LETM1: variants seen among roughly 807,000 people sequenced by gnomAD.
LETM1 encodes the protein mitochondrial proton/calcium exchanger protein.
A neutral mutation model predicts 74.5 loss-of-function variants in LETM1; 50 were observed. That is an observed-to-expected ratio of 0.67 (90% CI 0.53 to 0.85). The LOEUF is 0.85. Among genes scored for constraint, LETM1 ranks in the 40% least tolerant of loss-of-function variants. The probability of loss-of-function intolerance (pLI) is 0.00; values close to 1 mark genes in which losing one functional copy is unlikely to be tolerated. For missense variants in LETM1, 824 were observed against 967.8 expected (o/e 0.85, Z 1.97); for synonymous variants, 446 against 407.1 (o/e 1.10, Z -1.15).
rs374510801 is a variant in LETM1 at position 1,835,016 on chromosome 4, G to T, written c.739-34C>A. On this transcript the variant is annotated intron_variant, in intron 4 of 13. Transcript: ENST00000302787. ...GCAGAGAGGGCACTGCATTCCAACTGCTCAGACTGTGGTTCGGGCAAGGAA... is the reference window on the plus strand; with the variant it reads ...GCAGAGAGGGCACTGCATTCCAACTTCTCAGACTGTGGTTCGGGCAAGGAA... 3.1e-5 allele frequency: 49 copies of T among 1,600,080 alleles called. 1 individual carries two copies. The East Asian group carries it at 8.5e-4, about 28-fold the overall frequency.
intron 12 of LETM1, 97 bp from the exon 13 acceptor site, chr4:1,815,899 C>G: frequency 6.7e-7 from 1 of 1,486,348 alleles, no homozygotes; most frequent in South Asian, 1.2e-5. Flanking sequence ...AGCACTGACA[C>G]AGGCGGCTCC....
chr4:1,849,208 A>C lies in LETM1; in HGVS notation c.84T>G (p.Gly28=). The change falls in exon 2 of 14, where the codon GGT becomes GGG. Residue 28 remains glycine (G), a splice_region_variant and synonymous_variant. Coordinates refer to ENST00000302787, the MANE Select transcript of LETM1 (RefSeq NM_012318.3). ...TGAGATGAGCAGGATCCCCTGGACTACCTGTAACAGGAACAGGGGAAAATA... is the reference window on the plus strand; with the variant it reads ...TGAGATGAGCAGGATCCCCTGGACTCCCTGTAACAGGAACAGGGGAAAATA... ...PPPPRYTVPR[G]SPGDPAHLSC... The C allele has an allele frequency of 6.2e-7, 1 of 1,609,526 alleles. No individual in the cohort carries two copies. Among genetic ancestry groups the C allele is most frequent in the East Asian group, 2.2e-5 (1 of 44,880 alleles).
Position 1,837,000 on chromosome 4 carries a change from T to C in LETM1, c.595-428A>G, listed in dbSNP as rs546929704. On this transcript the variant is annotated intron_variant, in intron 3 of 13. Transcript: ENST00000302787. This position sits in a 1 kb window ranked among gnomAD's most constrained non-coding sequence, Gnocchi z 5.8. ...CTATAAGGAGGGCTTCTCTTGTGTT[T>C]CCTAAGACTATACTACAAAGCAATC... 1.3e-5 allele frequency among the ~76,000 whole-genome samples: 2 copies of C among 152,312 alleles called. No individual in the cohort carries two copies. Among genetic ancestry groups the C allele is most frequent in the South Asian group, 4.1e-4 (2 of 4,830 alleles).
At chr4:1,847,175 T>G (rs574224094) in intron 2 of LETM1, among the ~76,000 whole-genome samples, 5 of 151,624 alleles carry the variant, frequency 3.3e-5, no homozygotes, top group African/African-American at 1.2e-4. Flanking sequence ...CTACAAAAAA[T>G]ACCAAAAAGA....
chr4:1,832,053 C>T (rs967860483), intron 6 of LETM1, among the ~76,000 whole-genome samples: 1 of 152,166 alleles, frequency 6.6e-6, no homozygotes, highest in Non-Finnish European at 1.5e-5. Flanking sequence ...GTAATCCCAG[C>T]ACTTTGGGAG....
chr4:1,850,644 GAAAA>G (rs535769857), intron 1 of LETM1, among the ~76,000 whole-genome samples: 1 of 74,338 alleles, frequency 1.3e-5, no homozygotes, highest in Non-Finnish European at 2.9e-5. Flanking sequence ...CTCTGTCTCA[GAAAA>G]AAAAAAAAAA....
rs570156773 is a variant in LETM1, at chr4:1,840,023, A to G, written c.594+1324T>C. 2.6e-5 allele frequency among the ~76,000 whole-genome samples: 4 copies of G among 152,282 alleles called. No individual in the cohort carries two copies. The South Asian group carries it at 6.2e-4, about 24-fold the overall frequency. On this transcript the variant is annotated intron_variant, in intron 3 of 13. Transcript: ENST00000302787. ...CCAAAGGGGTGGGGGTGGGTGTCAC[A>G]CCTCATGTAGCCCATAAATACGTAT... is the stretch of plus-strand genomic sequence containing the variant.
chr4:1,825,446 TCA>T (rs1711949353), intron 7 of LETM1, 116 bp downstream of exon 7: 11 of 1,271,912 alleles, frequency 8.6e-6, no homozygotes, highest in East Asian at 7.2e-5. Context: ...CCCAGAGAGG[TCA>T]CAGTGTCGCC....
At chr4:1,832,290 G>A (rs777030798) in intron 6 of LETM1, among the ~76,000 whole-genome samples, 4 of 151,454 alleles carry the variant, frequency 2.6e-5, no homozygotes, top group African/African-American at 4.9e-5. Flanking sequence ...CAACAAGATC[G>A]AAACACCGTC....
chr4:1,820,334 G>T (rs1476732861), intron 10 of LETM1, among the ~76,000 whole-genome samples: 1 of 152,156 alleles, frequency 6.6e-6, no homozygotes, highest in Admixed American at 6.5e-5. Context: ...AGTTCATTTT[G>T]GGGGGTGCCA....
At chr4:1,830,673 CAT>C (rs1712234735) in intron 6 of LETM1, among the ~76,000 whole-genome samples, 1 of 152,140 alleles carries the variant, frequency 6.6e-6, no homozygotes, top group African/African-American at 2.4e-5. Context: ...TTATTAATAA[CAT>C]ATTTCTTTTC....
intron 6 of LETM1, among the ~76,000 whole-genome samples, chr4:1,832,369 GCA>G (rs1296782725): frequency 6.6e-6 from 1 of 152,152 alleles, no homozygotes; most frequent in Non-Finnish European, 1.5e-5. Flanking sequence ...AGGGCGTGAA[GCA>G]CAGAGGCAAG....
At position 1,816,727 on chromosome 4, in the gene LETM1, C is replaced by T. The variant is rs879062041; in HGVS notation, c.1931G>A (p.Gly644Glu). ...CTCCCGCGCCCACCACCCCACTCAC[C>T]CCGTGGGCATGCCGTTGGCCGGGGC... ...KLAPANGMPT[G>E]ENVISVAELI... Residue 644 changes from glycine (G) to glutamate (E), a missense_variant and splice_region_variant, in exon 12 of 14, where the codon GGG (glycine) becomes GAG (glutamate). Gly to Glu is a moderately conservative substitution (Grantham distance 98). This residue lies in a region of LETM1 where 161 missense variants were observed against 252.7 expected (regional missense o/e 0.64). Coordinates refer to ENST00000302787, the MANE Select transcript of LETM1 (RefSeq NM_012318.3). 3 of 1,613,840 alleles carry T rather than the reference C, an allele frequency of 1.9e-6. No individual in the cohort carries two copies. The highest frequency in any genetic ancestry group is 1.6e-4 in the Middle Eastern group (1 of 6,062).
chr4:1,837,995 A>T (rs1175691977), intron 3 of LETM1, among the ~76,000 whole-genome samples: 1 of 152,018 alleles, frequency 6.6e-6, no homozygotes, highest in Non-Finnish European at 1.5e-5. Flanking sequence ...GTGAGCCACC[A>T]CACCCAACCA....
Position 1,849,235 on chromosome 4 carries a change from A to G in LETM1, c.83-26T>C, listed in dbSNP as rs758520412. On this transcript the variant is annotated intron_variant, in intron 1 of 13. Transcript: ENST00000302787. ...CTGTAACAGGAACAGGGGAAAATAA[A>G]TGAGTAGTAAATCAGGGATTTATAC... 86 of 1,544,894 alleles carry G rather than the reference A, an allele frequency of 5.6e-5. No homozygotes were observed. The East Asian group carries it at 1.8e-3, about 33-fold the overall frequency.
chr4:1,829,015 G>C (rs1413268188), intron 6 of LETM1, among the ~76,000 whole-genome samples: 1 of 109,776 alleles, frequency 9.1e-6, no homozygotes, highest in Non-Finnish European at 1.8e-5. Flanking sequence ...CTCCCTCCCG[G>C]ACGGGGCGGC....
At chr4:1,843,038 T>G (rs1486440660) in intron 2 of LETM1, 6 of 374,702 alleles carry the variant, frequency 1.6e-5, no homozygotes, top group South Asian at 1.2e-4. Flanking sequence ...TAACTTCACA[T>G]CAGCTCCTCC....
intron 2 of LETM1, among the ~76,000 whole-genome samples, chr4:1,847,545 C>T (rs895602684): frequency 2.7e-5 from 4 of 149,514 alleles, no homozygotes; most frequent in Non-Finnish European, 6.0e-5. Flanking sequence ...AGCAGCTAGG[C>T]GCAGTGGCTC....
chr4:1,826,463 C>A (rs974826633), intron 6 of LETM1, among the ~76,000 whole-genome samples: 9 of 152,274 alleles, frequency 5.9e-5, no homozygotes, highest in African/African-American at 2.2e-4. Context: ...CTGCAATTAG[C>A]ACATGCCACC....
Sources: allele counts gnomAD v4.1 joint callset (sites outside exome capture counted in the v4.1 genomes callset), GRCh38; gene constraint gnomAD v4.1.1; regional missense constraint gnomAD v4.1.1; non-coding constraint Gnocchi (gnomAD v3.1); transcripts MANE v1.5; gene names NCBI Gene and HGNC (gene_info 2026-07-23, HGNC 2026-07-21).